The following CABP1 variants were observed in gnomAD, a reference collection of about 807,000 sequenced individuals.
The protein encoded by CABP1 is calcium binding protein 1.
Under a neutral mutation model 34.3 loss-of-function variants are expected in CABP1, and 17 were observed. That is an observed-to-expected ratio of 0.50 (90% CI 0.34 to 0.74). The LOEUF (loss-of-function observed/expected upper bound fraction) is 0.74. Among genes scored for constraint, CABP1 ranks in the 30% least tolerant of loss-of-function variants. CABP1 has a pLI of 0.01. For missense variants in CABP1, 373 were observed against 511.1 expected, an observed-to-expected ratio of 0.73 and a Z score of 2.61; for synonymous variants, 198 against 229.2, an observed-to-expected ratio of 0.86 and a Z score of 1.23.
intron 1 of CABP1, among the ~76,000 whole-genome samples, chr12:120,645,506 C>G (rs892679740): frequency 6.6e-6 from 1 of 152,256 alleles, no homozygotes; most frequent in East Asian, 1.9e-4. Flanking sequence ...TCATCAACTC[C>G]CCCCAACCCC....
intron 5 of CABP1, among the ~76,000 whole-genome samples, chr12:120,663,523 G>A (rs778724690): frequency 6.6e-5 from 10 of 152,176 alleles, no homozygotes; most frequent in Non-Finnish European, 1.3e-4. Context: ...TGATCCACCC[G>A]CCTTAGCCTC....
At chr12:120,650,682 G>A in intron 1 of CABP1, 2 of 1,614,088 alleles carry the variant, frequency 1.2e-6, no homozygotes, top group Non-Finnish European at 1.7e-6. Flanking sequence ...TCTCAAGGAA[G>A]GTATGTTTTT....
chr12:120,647,847 G>T (rs1262760701), intron 1 of CABP1, among the ~76,000 whole-genome samples: 1 of 149,200 alleles, frequency 6.7e-6, no homozygotes, highest in Non-Finnish European at 1.5e-5. Context: ...CTCCCAAAGT[G>T]CTGGGATTAC....
At chr12:120,669,164 C>T (rs1277469946), downstream of CABP1, among the ~76,000 whole-genome samples, 1 of 152,224 alleles carries the variant, frequency 6.6e-6, no homozygotes, top group Non-Finnish European at 1.5e-5. Context: ...GAGGGAGGAT[C>T]CTTATTCTCA....
chr12:120,655,745 G>A, intron 1 of CABP1: 1 of 1,463,192 alleles, frequency 6.8e-7, no homozygotes, highest in Non-Finnish European at 9.0e-7. Flanking sequence ...TCCCATTGGT[G>A]AGAATAGAAG....
intron 1 of CABP1, 29 bp from the exon 2 acceptor site, chr12:120,659,849 G>A (rs562814022): frequency 9.3e-6 from 15 of 1,611,216 alleles, no homozygotes; most frequent in Middle Eastern, 3.3e-4. Flanking sequence ...CCCTTGTCGC[G>A]GCTAATAGGA....
chr12:120,658,261 C>A (rs779120906), intron 1 of CABP1, among the ~76,000 whole-genome samples: 2 of 151,934 alleles, frequency 1.3e-5, no homozygotes, highest in African/African-American at 2.4e-5. Context: ...GCTTGGCTAA[C>A]TAAAACAAGG....
the CABP1 span, among the ~76,000 whole-genome samples, chr12:120,675,096 C>A: frequency 6.6e-6 from 1 of 151,990 alleles, no homozygotes; most frequent in Non-Finnish European, 1.5e-5. Flanking sequence ...TCTGTCACTC[C>A]TGCTGGAGTG....
rs991684608 is a variant in CABP1 at position 120,660,354 on chromosome 12, C to T, written c.829+15C>T. The T allele has an allele frequency of 1.7e-5, 27 of 1,610,204 alleles. No individual in the cohort carries two copies. Among genetic ancestry groups the T allele is most frequent in the Non-Finnish European group, 2.1e-5 (25 of 1,179,162 alleles). ...CAACATGAACCGTGAGTCCCTCTAC[C>T]AGGCATCTGCGTCCCTTCGGTCCTC... On this transcript the variant is annotated intron_variant, in intron 3 of 5. Transcript: ENST00000316803. This position sits in a 1 kb window ranked among gnomAD's most constrained non-coding sequence, Gnocchi z 5.0.
rs11332557 is a variant in CABP1 at position 120,647,385 on chromosome 12, ATT to A, written c.654+6061_654+6062del. On this transcript the variant is annotated intron_variant, in intron 1 of 5. Coordinates refer to ENST00000316803, the MANE Select transcript of CABP1 (RefSeq NM_001033677.2). ...ACATGGTTACTGAGCAGCAGACAAGATTTTTTTTTTTTTTTTAAATAGAGATG... is the reference window on the plus strand; with the variant it reads ...ACATGGTTACTGAGCAGCAGACAAGATTTTTTTTTTTTTTAAATAGAGATG... 3.6e-3 allele frequency among the ~76,000 whole-genome samples: 466 copies of A among 129,690 alleles called. 1 individual carries two copies. The highest frequency in any genetic ancestry group is 7.0e-3 in the African/African-American group (243 of 34,694). 85.1% of individuals were successfully genotyped at this position (129,690 alleles called of 152,430 possible). A position where few individuals can be genotyped will look rare whatever the true frequency, so the allele number is the denominator to read the frequency against.
intron 1 of CABP1, among the ~76,000 whole-genome samples, chr12:120,642,741 G>A (rs1432659610): frequency 6.6e-6 from 1 of 152,158 alleles, no homozygotes; most frequent in East Asian, 1.9e-4. Flanking sequence ...CAGCAGGAAT[G>A]CTGGGTTGTT....
intron 1 of CABP1, chr12:120,655,496 T>G: frequency 2.7e-6 from 3 of 1,092,102 alleles, no homozygotes; most frequent in Non-Finnish European, 2.2e-6. Context: ...CCTGCCTGCT[T>G]CATTTATGTC....
At chr12:120,669,910 G>A (rs1194223216), downstream of CABP1, among the ~76,000 whole-genome samples, 1 of 152,144 alleles carries the variant, frequency 6.6e-6, no homozygotes, top group Non-Finnish European at 1.5e-5. Flanking sequence ...CTCCTCCCCA[G>A]TAATTTGTCT....
chr12:120,644,706 C>T (rs1879471101), intron 1 of CABP1, among the ~76,000 whole-genome samples: 1 of 152,160 alleles, frequency 6.6e-6, no homozygotes, highest in African/African-American at 2.4e-5. Flanking sequence ...TCCCATACTG[C>T]TTTGCACATA....
intron 5 of CABP1, among the ~76,000 whole-genome samples, chr12:120,663,802 C>T (rs1436737998): frequency 1.3e-5 from 2 of 152,194 alleles, no homozygotes; most frequent in Non-Finnish European, 2.9e-5. Context: ...AGAGGCAGAG[C>T]TGGGGCACAG....
Position 120,660,193 on chromosome 12 carries a change from C to T in CABP1, c.686-3C>T. On this transcript the variant is annotated splice_region_variant and splice_polypyrimidine_tract_variant and intron_variant, in intron 2 of 5. Coordinates refer to ENST00000316803, the MANE Select transcript of CABP1 (RefSeq NM_001033677.2). The surrounding 1 kb of genome is among the most constrained non-coding windows in gnomAD (Gnocchi z 5.0). ...CCACATCCACCTTTGCTCACTTCCC[C>T]AGAGCTCCGAGAGGCCTTCAGAGAA... The T allele has an allele frequency of 6.2e-7, 1 of 1,614,040 alleles. No individual in the cohort carries two copies. The highest frequency in any genetic ancestry group is 1.1e-5 in the South Asian group (1 of 91,068).
At chr12:120,664,267 G>A (rs945585173) in intron 5 of CABP1, among the ~76,000 whole-genome samples, 9 of 152,164 alleles carry the variant, frequency 5.9e-5, no homozygotes, top group African/African-American at 1.9e-4. Context: ...TGTGTGCTGG[G>A]GGAAGCACAG....
chr12:120,660,957 G>T lies in CABP1; in HGVS notation c.940-114G>T. On this transcript the variant is annotated intron_variant, in intron 4 of 5. Transcript: ENST00000316803. This position sits in a 1 kb window ranked among gnomAD's most constrained non-coding sequence, Gnocchi z 5.0. Reference sequence around the variant, plus strand: ...GATCAGGGGAGGGAGCTTGGACAGAGAAAGGTCTCTGGTAAAGGGGGGCAA... The same window carrying T: ...GATCAGGGGAGGGAGCTTGGACAGATAAAGGTCTCTGGTAAAGGGGGGCAA... 7.0e-7 allele frequency: 1 copy of T among 1,424,760 alleles called. No homozygotes were observed. The highest frequency in any genetic ancestry group is 9.7e-7 in the Non-Finnish European group (1 of 1,026,130). 88.3% of individuals were successfully genotyped at this position (1,424,760 alleles called of 1,614,324 possible).
At chr12:120,670,407 C>T (rs1881212502), downstream of CABP1, among the ~76,000 whole-genome samples, 1 of 152,216 alleles carries the variant, frequency 6.6e-6, no homozygotes, top group Non-Finnish European at 1.5e-5. Context: ...CAACCTGCAC[C>T]ACTACCTTCC....
Sources: gnomAD v4.1 joint callset for allele counts (sites outside exome capture counted in the v4.1 genomes callset) on GRCh38, gnomAD v4.1.1 for gene constraint, Gnocchi (gnomAD v3.1) non-coding constraint, MANE v1.5 for transcripts, NCBI Gene and HGNC (gene_info 2026-07-23, HGNC 2026-07-21) for gene names.